Variants in MINDY2 observed in about 807,000 individuals in gnomAD.
MINDY2 encodes MINDY lysine 48 deubiquitinase 2, also known as ubiquitin carboxyl-terminal hydrolase MINDY-2.
Under a neutral mutation model 68.2 loss-of-function variants are expected in MINDY2, and 52 were observed. The observed-to-expected ratio is 0.76, with a 90% CI of 0.61 to 0.96. The LOEUF (loss-of-function observed/expected upper bound fraction) is 0.96, where lower values mean the gene tolerates loss of function less well. MINDY2 is among the 40% of genes least tolerant of loss of function. The pLI is 0.00. For synonymous variants in MINDY2, 372 were observed against 303.0 expected (o/e 1.23, Z -2.36); for missense variants, 881 against 773.4 (o/e 1.14, Z -1.65).
intron 2 of MINDY2, 106 bp from the exon 3 acceptor site, chr15:58,802,207 C>A (rs1019872221): frequency 2.7e-6 from 2 of 731,988 alleles, no homozygotes; most frequent in Non-Finnish European, 4.5e-6. Flanking sequence ...TATATGTCAA[C>A]TATAGCTACA....
chr15:58,796,658 G>A (rs1231728261), intron 2 of MINDY2, among the ~76,000 whole-genome samples: 1 of 152,128 alleles, frequency 6.6e-6, no homozygotes, highest in Non-Finnish European at 1.5e-5. Context: ...TGAGTAGCTG[G>A]GATTATAGGC....
intron 6 of MINDY2, among the ~76,000 whole-genome samples, chr15:58,833,387 G>T (rs1323971998): frequency 6.6e-6 from 1 of 152,108 alleles, no homozygotes; most frequent in South Asian, 2.1e-4. Flanking sequence ...TTTCTCATTA[G>T]GTGGAACAAG....
chr15:58,808,382 C>T (rs1366234602), intron 3 of MINDY2, among the ~76,000 whole-genome samples: 1 of 152,152 alleles, frequency 6.6e-6, no homozygotes, highest in Non-Finnish European at 1.5e-5. Context: ...CCTCCCTTCC[C>T]TTAATCCTTG....
At chr15:58,776,073 T>G (rs1429928072) in intron 1 of MINDY2, among the ~76,000 whole-genome samples, 1 of 152,148 alleles carries the variant, frequency 6.6e-6, no homozygotes. Context: ...TTAGCCTGGC[T>G]GGTCTCGAAC....
rs1302064637 is a variant in MINDY2 at position 58,810,481 on chromosome 15, C to CT, written c.1122+100dup. The CT allele has an allele frequency of 3.2e-6, 4 of 1,259,918 alleles. No individual in the cohort carries two copies. The African/African-American group carries it at 4.6e-5, about 15-fold the overall frequency. 78.0% of individuals were successfully genotyped at this position (1,259,918 alleles called of 1,614,324 possible). A position where few individuals can be genotyped will look rare whatever the true frequency, so the allele number is the denominator to read the frequency against. ...CTCAATTTATATTTTTTGTTACTTACTTTTTTTGTACTTTTGCCTGGAATT... is the reference window on the plus strand; with the variant it reads ...CTCAATTTATATTTTTTGTTACTTACTTTTTTTTGTACTTTTGCCTGGAATT... On this transcript the variant is annotated intron_variant, in intron 4 of 8. Coordinates refer to ENST00000559228, the MANE Select transcript of MINDY2 (RefSeq NM_001040450.3).
intron 6 of MINDY2, among the ~76,000 whole-genome samples, chr15:58,838,045 T>G (rs2032089627): frequency 6.6e-6 from 1 of 151,106 alleles, no homozygotes; most frequent in Admixed American, 6.6e-5. Context: ...TCCTGTGAAC[T>G]CTTTCTCTTT....
intron 1 of MINDY2, among the ~76,000 whole-genome samples, chr15:58,773,970 A>G (rs1489906824): frequency 1.3e-5 from 2 of 152,248 alleles, no homozygotes; most frequent in African/African-American, 4.8e-5. Context: ...GACTTGCTCT[A>G]ACGGGCCAGA....
Position 58,857,598 on chromosome 15 carries a change from T to C in MINDY2, c.*2988T>C, listed in dbSNP as rs2033103690. The C allele has an allele frequency of 6.6e-6, 1 of 150,482 alleles. No homozygotes were observed. The highest frequency in any genetic ancestry group is 2.4e-5 in the African/African-American group (1 of 40,910). 9.3% of individuals were successfully genotyped at this position (150,482 alleles called of 1,614,324 possible). A position where few individuals can be genotyped will look rare whatever the true frequency, so the allele number is the denominator to read the frequency against. On this transcript the variant is annotated 3_prime_UTR_variant, in exon 9 of 9. Transcript: ENST00000559228. ...TTATTTTCTTAAATTTTGCCCAAGG[T>C]AACGTTATATATCCCACCACTTCAT...
At chr15:58,777,028 C>T (rs1900815677) in intron 1 of MINDY2, among the ~76,000 whole-genome samples, 1 of 152,116 alleles carries the variant, frequency 6.6e-6, no homozygotes, top group African/African-American at 2.4e-5. Context: ...AAGCATATTG[C>T]ATTTTAAAGG....
At chr15:58,806,389 A>C (rs1187043803) in intron 3 of MINDY2, among the ~76,000 whole-genome samples, 4 of 129,642 alleles carry the variant, frequency 3.1e-5, no homozygotes, top group Admixed American at 1.7e-4. Context: ...ACAGGGTCTC[A>C]CTCTGTCACT....
chr15:58,771,443 G>A lies in MINDY2; in HGVS notation c.48G>A (p.Ala16=), dbSNP rs1900376657. Residue 16 remains alanine, a synonymous_variant, in exon 1 of 9, where the codon GCG becomes GCA. Coordinates refer to ENST00000559228, the MANE Select transcript of MINDY2 (RefSeq NM_001040450.3). ...TGCAGCCGCTAGAACACGGGGTGGC[G>A]GCCGGGCCAGCGTCAGGGACAGGTT... ...ESLQPLEHGV[A]AGPASGTGSS... is the part of the protein sequence containing the mutation. 1 of 1,612,264 alleles carries A rather than the reference G, an allele frequency of 6.2e-7. No individual in the cohort carries two copies. Among genetic ancestry groups the A allele is most frequent in the African/African-American group, 1.3e-5 (1 of 75,008 alleles).
chr15:58,778,199 C>G (rs1283751186), intron 1 of MINDY2, among the ~76,000 whole-genome samples: 1 of 152,062 alleles, frequency 6.6e-6, no homozygotes. Context: ...GTAACCTATA[C>G]TATACATTGT....
intron 1 of MINDY2, among the ~76,000 whole-genome samples, chr15:58,782,603 A>AC (rs1311161436): frequency 2.6e-5 from 4 of 152,088 alleles, no homozygotes; most frequent in Non-Finnish European, 5.9e-5. Flanking sequence ...TTCACTGGTC[A>AC]CAAAGTTCTG....
chr15:58,802,308 T>TA lies in MINDY2; in HGVS notation c.899-4dup, dbSNP rs766846926. ...AATTTTACAATTCTTTTTTTTTTTT[T>TA]ACAGGAGATTACATGCTTGATGCAA... On this transcript the variant is annotated splice_polypyrimidine_tract_variant and splice_region_variant and intron_variant, in intron 2 of 8. Transcript: ENST00000559228. 2 of 1,558,276 alleles carry TA rather than the reference T, an allele frequency of 1.3e-6. No individual in the cohort carries two copies. Among genetic ancestry groups the TA allele is most frequent in the South Asian group, 2.4e-5 (2 of 82,442 alleles).
chr15:58,772,719 G>A (rs1900518416), intron 1 of MINDY2, among the ~76,000 whole-genome samples: 1 of 151,852 alleles, frequency 6.6e-6, no homozygotes, highest in South Asian at 2.1e-4. Context: ...AATGGTGATG[G>A]GGAAGATGTG....
At position 58,771,349 on chromosome 15, in the gene MINDY2, G is replaced by C; in HGVS notation, c.-47G>C. 6.4e-7 allele frequency: 1 copy of C among 1,564,858 alleles called. No homozygotes were observed. The highest frequency in any genetic ancestry group is 8.6e-7 in the Non-Finnish European group (1 of 1,158,034). On this transcript the variant is annotated 5_prime_UTR_variant, in exon 1 of 9. Transcript: ENST00000559228. ...TCATGGCGTCCAAGGCGCTGGCTGCGGAGAAGTGGCCGCGGTCTCCATAGA... is the reference window on the plus strand; with the variant it reads ...TCATGGCGTCCAAGGCGCTGGCTGCCGAGAAGTGGCCGCGGTCTCCATAGA...
At chr15:58,776,859 T>TAA (rs140985962) in intron 1 of MINDY2, among the ~76,000 whole-genome samples, 3 of 150,670 alleles carry the variant, frequency 2.0e-5, no homozygotes, top group African/African-American at 7.3e-5. Flanking sequence ...CCCATCTCTG[T>TAA]AAAAAAAAAT....
intron 2 of MINDY2, among the ~76,000 whole-genome samples, chr15:58,800,354 T>C (rs1278811463): frequency 3.3e-5 from 5 of 152,198 alleles, no homozygotes; most frequent in African/African-American, 4.8e-5. Context: ...ATCAGTGTAC[T>C]TTTCCTAAAG....
chr15:58,832,844 A>G (rs571286493), intron 6 of MINDY2, among the ~76,000 whole-genome samples: 32 of 152,336 alleles, frequency 2.1e-4, no homozygotes, highest in African/African-American at 6.7e-4. Context: ...GATGACATCT[A>G]ATCATGGAAG....
Sources: gnomAD v4.1 joint callset for allele counts (sites outside exome capture counted in the v4.1 genomes callset) on GRCh38, gnomAD v4.1.1 for gene constraint, MANE v1.5 for transcripts, NCBI Gene and HGNC (gene_info 2026-07-23, HGNC 2026-07-21) for gene names.